Variants in APMAP observed in about 807,000 individuals in gnomAD.
APMAP encodes the protein adipocyte plasma membrane-associated protein.
In APMAP, 33 loss-of-function variants were observed where a neutral mutation model predicts 43.6. The observed-to-expected ratio is 0.76, with a 90% CI of 0.57 to 1.01. The LOEUF is 1.01. Among genes scored for constraint, APMAP ranks in the 50% least tolerant of loss-of-function variants. The pLI is 0.00. For missense variants in APMAP, 498 were observed against 540.7 expected, an observed-to-expected ratio of 0.92 and a Z score of 0.78; for synonymous variants, 224 against 216.7, an observed-to-expected ratio of 1.03 and a Z score of -0.30.
chr20:24,964,816 C>A (rs745497357), intron 8 of APMAP, among the ~76,000 whole-genome samples: 2 of 152,096 alleles, frequency 1.3e-5, no homozygotes, highest in Non-Finnish European at 2.9e-5. Context: ...AAACAAGTGT[C>A]CAACGAATAA....
chr20:24,969,756 A>C, intron 6 of APMAP, 96 bp from the exon 7 acceptor site: 1 of 1,456,526 alleles, frequency 6.9e-7, no homozygotes. Flanking sequence ...ACTCCGCCTC[A>C]CCCCGGAGCA....
intron 7 of APMAP, among the ~76,000 whole-genome samples, 198 bp downstream of exon 7, chr20:24,969,328 C>CTTA (rs1232228388): frequency 5.3e-5 from 8 of 152,176 alleles, no homozygotes; most frequent in African/African-American, 1.9e-4. Context: ...CGGGCTGCAC[C>CTTA]AGTCAGCCTT....
intron 8 of APMAP, among the ~76,000 whole-genome samples, chr20:24,967,885 G>A (rs902345723): frequency 9.9e-5 from 15 of 152,096 alleles, no homozygotes; most frequent in Admixed American, 3.3e-4. Flanking sequence ...AACAGATTAG[G>A]ACTTCCCACA....
In APMAP at chr20:24,968,292, G is replaced by A. The variant is rs572481159; in HGVS notation, c.1041+600C>T. ...GGGCCATGGCTGGCCATTGGTGGGG[G>A]TGGGTGACTTTTTTTTAAAAAGGGA... is the stretch of plus-strand genomic sequence containing the variant. On this transcript the variant is annotated intron_variant, in intron 8 of 8. Coordinates refer to ENST00000217456, the MANE Select transcript of APMAP (RefSeq NM_020531.3). Among the ~76,000 whole-genome samples, 4 of 152,314 alleles carry A rather than the reference G, an allele frequency of 2.6e-5. No individual in the cohort carries two copies. The East Asian group carries it at 7.7e-4, about 29-fold the overall frequency.
intron 1 of APMAP, among the ~76,000 whole-genome samples, chr20:24,990,123 C>T (rs2088179752): frequency 6.6e-6 from 1 of 152,136 alleles, no homozygotes; most frequent in Non-Finnish European, 1.5e-5. Flanking sequence ...TAAAGCATTT[C>T]GGGAAATCAA....
In APMAP at chr20:24,963,782, C is replaced by A. The variant is rs754004636; in HGVS notation, c.*31G>T. The A allele has an allele frequency of 6.2e-7, 1 of 1,607,562 alleles. No homozygotes were observed. The highest frequency in any genetic ancestry group is 8.5e-7 in the Non-Finnish European group (1 of 1,174,870). On this transcript the variant is annotated 3_prime_UTR_variant, in exon 9 of 9. Coordinates refer to ENST00000217456, the MANE Select transcript of APMAP (RefSeq NM_020531.3). Reference sequence around the variant, plus strand: ...GGTGCCTGAGTGTGAAGACTCCTGGCCTGCGTGGCAGGGGCAGCTATCTGG... The same window carrying A: ...GGTGCCTGAGTGTGAAGACTCCTGGACTGCGTGGCAGGGGCAGCTATCTGG...
At chr20:24,979,191 G>A (rs1347270343) in intron 2 of APMAP, among the ~76,000 whole-genome samples, 2 of 152,150 alleles carry the variant, frequency 1.3e-5, no homozygotes, top group Admixed American at 1.3e-4. Flanking sequence ...AATGCCTCAG[G>A]GCAGCTGGAC....
At chr20:24,983,563 A>G (rs1332372454) in intron 2 of APMAP, among the ~76,000 whole-genome samples, 1 of 152,248 alleles carries the variant, frequency 6.6e-6, no homozygotes, top group African/African-American at 2.4e-5. Context: ...TACTTACAAA[A>G]TTTAAATGAG....
intron 8 of APMAP, among the ~76,000 whole-genome samples, chr20:24,964,565 G>A (rs755430666): frequency 6.6e-6 from 1 of 152,156 alleles, no homozygotes; most frequent in Non-Finnish European, 1.5e-5. Context: ...TCCTCAAAGC[G>A]GGGCGTGCAG....
intron 4 of APMAP, among the ~76,000 whole-genome samples, chr20:24,973,040 G>C (rs1040870742): frequency 1.3e-5 from 2 of 152,310 alleles, no homozygotes; most frequent in Non-Finnish European, 2.9e-5. Flanking sequence ...CATCTGAAAA[G>C]ACTCAGGTGA....
chr20:24,973,247 G>A (rs936068344), intron 4 of APMAP, among the ~76,000 whole-genome samples: 1 of 152,210 alleles, frequency 6.6e-6, no homozygotes, highest in East Asian at 1.9e-4. Flanking sequence ...TGAAATTCCT[G>A]AGACCAAGGC....
chr20:24,971,670 C>A, intron 4 of APMAP, 94 bp from the exon 5 acceptor site: 1 of 1,026,736 alleles, frequency 9.7e-7, no homozygotes, highest in Admixed American at 1.7e-5. Context: ...CCTTCCCATA[C>A]ATCATGCTGT....
rs75899396 is a variant in APMAP at position 24,986,846 on chromosome 20, C to T, written c.96-2827G>A. On this transcript the variant is annotated intron_variant, in intron 1 of 8. Coordinates refer to ENST00000217456, the MANE Select transcript of APMAP (RefSeq NM_020531.3). ...CTATGGCTGCGGTCACCATTAGAAG[C>T]GCTGCCTGCCAAGAGCAAGAGGAGG... Among the ~76,000 whole-genome samples, 775 of 152,306 alleles carry T rather than the reference C, an allele frequency of 5.1e-3. 7 individuals carry two copies. The highest frequency in any genetic ancestry group is 0.018 in the African/African-American group (737 of 41,560).
chr20:24,981,705 CTCTT>C (rs1228790645), intron 2 of APMAP, among the ~76,000 whole-genome samples: 2 of 152,242 alleles, frequency 1.3e-5, no homozygotes, highest in African/African-American at 4.8e-5. Context: ...AGTAGAATTA[CTCTT>C]TCTGTTGGTC....
At chr20:24,990,036 C>T (rs1331588069) in intron 1 of APMAP, among the ~76,000 whole-genome samples, 2 of 152,168 alleles carry the variant, frequency 1.3e-5, no homozygotes, top group Non-Finnish European at 2.9e-5. Context: ...CACATATGGA[C>T]ATTAAACAGT....
rs188380455 is a variant in APMAP at position 24,986,118 on chromosome 20, G to A, written c.96-2099C>T. Among the ~76,000 whole-genome samples, 439 of 152,318 alleles carry A rather than the reference G, an allele frequency of 2.9e-3. 3 individuals carry two copies. Among genetic ancestry groups the A allele is most frequent in the African/African-American group, 0.01 (425 of 41,566 alleles). On this transcript the variant is annotated intron_variant, in intron 1 of 8. Transcript: ENST00000217456. ...CTCCTCCAGAGCAGGACAGGCCCGAGGGCAGTGTTAACCACTGCCTTCTTC... is the reference window on the plus strand; with the variant it reads ...CTCCTCCAGAGCAGGACAGGCCCGAAGGCAGTGTTAACCACTGCCTTCTTC...
chr20:24,966,894 G>A lies in APMAP; in HGVS notation c.1041+1998C>T, dbSNP rs2087948794. Reference sequence around the variant, plus strand: ...ACACATGCTCAGGCATCTGCAGTGAGTGACAGGGCATTAGGCCAGCCGCTA... The same window carrying A: ...ACACATGCTCAGGCATCTGCAGTGAATGACAGGGCATTAGGCCAGCCGCTA... On this transcript the variant is annotated intron_variant, in intron 8 of 8. Coordinates refer to ENST00000217456, the MANE Select transcript of APMAP (RefSeq NM_020531.3). 3.3e-5 allele frequency among the ~76,000 whole-genome samples: 5 copies of A among 152,216 alleles called. No homozygotes were observed. The South Asian group carries it at 1.0e-3, about 32-fold the overall frequency.
At chr20:24,968,199 G>A (rs781326310) in intron 8 of APMAP, among the ~76,000 whole-genome samples, 10 of 152,228 alleles carry the variant, frequency 6.6e-5, no homozygotes, top group Non-Finnish European at 1.3e-4. Context: ...TATGTGGGGT[G>A]CTTCATGGAA....
At chr20:24,987,795 A>AG (rs1275225879) in intron 1 of APMAP, among the ~76,000 whole-genome samples, 1 of 152,174 alleles carries the variant, frequency 6.6e-6, no homozygotes, top group Non-Finnish European at 1.5e-5. Context: ...TTAAAAAAAA[A>AG]CAAAAACAAA....
Sources: gnomAD v4.1 joint callset for allele counts (sites outside exome capture counted in the v4.1 genomes callset) on GRCh38, gnomAD v4.1.1 for gene constraint, MANE v1.5 for transcripts, NCBI Gene and HGNC (gene_info 2026-07-23, HGNC 2026-07-21) for gene names.